The following CDH18 variants were observed in gnomAD, a reference collection of about 807,000 sequenced individuals.
The protein encoded by CDH18 is cadherin 18.
Under a neutral mutation model 67.9 loss-of-function variants are expected in CDH18, and 31 were observed. The observed-to-expected ratio is 0.46, with a 90% CI of 0.34 to 0.62. The LOEUF (loss-of-function observed/expected upper bound fraction) is 0.62. Among genes scored for constraint, CDH18 ranks in the 20% least tolerant of loss-of-function variants. The probability of loss-of-function intolerance (pLI) is 0.01; values close to 1 mark genes in which losing one functional copy is unlikely to be tolerated. For missense variants in CDH18, 890 were observed against 975.5 expected (o/e 0.91, Z 1.17); for synonymous variants, 362 against 347.2 (o/e 1.04, Z -0.48).
chr5:19,865,097 A>T (rs1394601456), intron 2 of CDH18, among the ~76,000 whole-genome samples: 1 of 151,988 alleles, frequency 6.6e-6, no homozygotes, highest in Non-Finnish European at 1.5e-5. Flanking sequence ...CATTCTTCCT[A>T]GGGCCCTCCC....
chr5:19,857,216 A>T (rs867976537), intron 2 of CDH18, among the ~76,000 whole-genome samples: 41 of 151,452 alleles, frequency 2.7e-4, no homozygotes, highest in Admixed American at 1.8e-3. Context: ...GGCATCAGAC[A>T]GAGACCCTGT....
chr5:20,452,859 TA>T (rs1750560822), intron 1 of CDH18, among the ~76,000 whole-genome samples: 1 of 152,182 alleles, frequency 6.6e-6, no homozygotes, highest in African/African-American at 2.4e-5. Context: ...AATGTATATG[TA>T]AAAAGCTAAT....
intron 1 of CDH18, among the ~76,000 whole-genome samples, chr5:20,382,573 T>C (rs532415987): frequency 3.9e-4 from 59 of 151,862 alleles, no homozygotes; most frequent in African/African-American, 1.4e-3. Context: ...ATAGGAAGAG[T>C]TTCTATAGAA....
intron 5 of CDH18, among the ~76,000 whole-genome samples, chr5:19,649,516 A>G (rs1755261080): frequency 6.6e-6 from 1 of 152,042 alleles, no homozygotes; most frequent in African/African-American, 2.4e-5. Flanking sequence ...TACAGCTTTT[A>G]ACCAATTGAC....
At chr5:20,122,208 C>T (rs1455813240) in intron 2 of CDH18, among the ~76,000 whole-genome samples, 1 of 152,176 alleles carries the variant, frequency 6.6e-6, no homozygotes, top group African/African-American at 2.4e-5. Flanking sequence ...AGATGCATGG[C>T]TTTGTCACCA....
chr5:19,525,065 A>G (rs564173368), intron 9 of CDH18, among the ~76,000 whole-genome samples: 40 of 152,160 alleles, frequency 2.6e-4, no homozygotes, highest in Non-Finnish European at 4.0e-4. Context: ...TCTTTTTCTG[A>G]AAAGGCAGGG....
intron 2 of CDH18, among the ~76,000 whole-genome samples, chr5:19,940,654 A>AT (rs1561597928): frequency 6.6e-6 from 1 of 151,748 alleles, no homozygotes; most frequent in East Asian, 1.9e-4. Flanking sequence ...TCTAGAGATT[A>AT]TTTTTTTCCT....
At chr5:19,689,043 A>T (rs1028566739) in intron 5 of CDH18, among the ~76,000 whole-genome samples, 1 of 152,242 alleles carries the variant, frequency 6.6e-6, no homozygotes, top group East Asian at 1.9e-4. Flanking sequence ...AACATCATAA[A>T]GCAATAAAAT....
rs140271974 is a variant in CDH18 at position 19,845,608 on chromosome 5, T to C, written c.-256-6366A>G. 1.8e-4 allele frequency among the ~76,000 whole-genome samples: 28 copies of C among 152,244 alleles called. No homozygotes were observed. The East Asian group carries it at 5.4e-3, about 29-fold the overall frequency. On this transcript the variant is annotated intron_variant, in intron 2 of 12. Coordinates refer to ENST00000382275, the MANE Select transcript of CDH18 (RefSeq NM_004934.5). ...GTTCTACACATTATTGAAAGTTTAG[T>C]ATTGACAATTTCTACTATTATTGTA...
chr5:19,803,521 A>C (rs1271929040), intron 3 of CDH18, among the ~76,000 whole-genome samples: 1 of 152,314 alleles, frequency 6.6e-6, no homozygotes, highest in East Asian at 1.9e-4. Context: ...GATGTACAAC[A>C]TAACCACAAC....
chr5:20,013,727 A>G (rs939089684), intron 2 of CDH18, among the ~76,000 whole-genome samples: 2 of 152,156 alleles, frequency 1.3e-5, no homozygotes, highest in African/African-American at 4.8e-5. Context: ...ATTTATACCT[A>G]CAAAACTATT....
chr5:20,553,324 T>C (rs980409111), intron 1 of CDH18, among the ~76,000 whole-genome samples: 2 of 152,142 alleles, frequency 1.3e-5, no homozygotes, highest in Non-Finnish European at 2.9e-5. Flanking sequence ...TCATAATTGT[T>C]GGTTATATTG....
intron 1 of CDH18, among the ~76,000 whole-genome samples, chr5:20,534,682 A>G (rs1009105538): frequency 1.9e-4 from 29 of 152,022 alleles, no homozygotes; most frequent in African/African-American, 2.4e-5. Context: ...CACCTATGCC[A>G]TATCTTACAG....
At chr5:19,800,820 A>C (rs1436855819) in intron 3 of CDH18, among the ~76,000 whole-genome samples, 2 of 152,178 alleles carry the variant, frequency 1.3e-5, no homozygotes, top group Non-Finnish European at 2.9e-5. Context: ...GTACTTCTGT[A>C]CTATTTTATT....
At chr5:20,305,788 C>A (rs1736392561) in intron 1 of CDH18, 8 of 255,680 alleles carry the variant, frequency 3.1e-5, no homozygotes, top group Non-Finnish European at 4.5e-5. Context: ...AATCTACCCC[C>A]AAAACCAATT....
intron 1 of CDH18, among the ~76,000 whole-genome samples, chr5:20,337,263 C>G (rs935729150): frequency 6.6e-6 from 1 of 152,212 alleles, no homozygotes; most frequent in African/African-American, 2.4e-5. Context: ...TCTGCAGCAG[C>G]TTGAATTTCT....
At chr5:19,517,787 C>CA (rs1746266610) in intron 10 of CDH18, among the ~76,000 whole-genome samples, 2 of 151,958 alleles carry the variant, frequency 1.3e-5, no homozygotes, top group African/African-American at 4.8e-5. Flanking sequence ...AATTGAAAAA[C>CA]TTTTATATTA....
At chr5:20,020,682 T>G (rs1456948438) in intron 2 of CDH18, among the ~76,000 whole-genome samples, 1 of 151,702 alleles carries the variant, frequency 6.6e-6, no homozygotes, top group Non-Finnish European at 1.5e-5. Context: ...GGCTTGGGAG[T>G]CTCTTCCTCA....
intron 6 of CDH18, among the ~76,000 whole-genome samples, chr5:19,599,330 T>C (rs1166752234): frequency 2.0e-5 from 3 of 152,154 alleles, no homozygotes; most frequent in Non-Finnish European, 4.4e-5. Flanking sequence ...TTATGTGTCT[T>C]TTTATAAAAA....
Sources: allele counts gnomAD v4.1 joint callset (sites outside exome capture counted in the v4.1 genomes callset), GRCh38; gene constraint gnomAD v4.1.1; transcripts MANE v1.5; gene names NCBI Gene and HGNC (gene_info 2026-07-23, HGNC 2026-07-21).